Variants in TAFA2 observed in about 807,000 individuals in gnomAD.
The protein encoded by TAFA2 is chemokine-like protein TAFA-2.
Under a neutral mutation model 18.8 loss-of-function variants are expected in TAFA2, and 7 were observed. The observed-to-expected ratio is 0.37, with a 90% CI of 0.21 to 0.70. TAFA2 has a LOEUF of 0.70. Among genes scored for constraint, TAFA2 ranks in the 30% least tolerant of loss-of-function variants. The probability of loss-of-function intolerance (pLI) is 0.53; values close to 1 mark genes in which losing one functional copy is unlikely to be tolerated. For missense variants in TAFA2, 122 were observed against 158.1 expected (o/e 0.77, Z 1.23); for synonymous variants, 60 against 54.2 (o/e 1.11, Z -0.47).
chr12:61,904,463 C>A (rs999487411), intron 1 of TAFA2, among the ~76,000 whole-genome samples: 3 of 152,084 alleles, frequency 2.0e-5, no homozygotes, highest in African/African-American at 7.2e-5. Context: ...ATTCTTGGAG[C>A]AACCACTCTC....
At chr12:61,907,609 G>A (rs113145653) in intron 1 of TAFA2, among the ~76,000 whole-genome samples, 5 of 152,200 alleles carry the variant, frequency 3.3e-5, no homozygotes, top group East Asian at 3.9e-4. Context: ...ACCCTCACAC[G>A]GAGTGCCCAC....
chr12:61,977,542 T>G (rs1183146697), intron 1 of TAFA2, among the ~76,000 whole-genome samples: 1 of 152,084 alleles, frequency 6.6e-6, no homozygotes, highest in Non-Finnish European at 1.5e-5. Flanking sequence ...GAAAGCCCAT[T>G]TGACTGAAAC....
rs10706280 is a variant in TAFA2, at chr12:61,715,748, CAA to C, written c.385-5333_385-5332del. On this transcript the variant is annotated intron_variant, in intron 4 of 4. Coordinates refer to ENST00000416284, the MANE Select transcript of TAFA2 (RefSeq NM_178539.5). ...CATGGCAAGACCCCTCAAGACTCTA[CAA>C]AAAAAAAAAAAATTAAAAATTAGCC... is the stretch of plus-strand genomic sequence containing the variant. Among the ~76,000 whole-genome samples the C allele has an allele frequency of 1.8e-3, 251 of 139,618 alleles. 1 individual carries two copies. The highest frequency in any genetic ancestry group is 4.3e-3 in the African/African-American group (161 of 37,422). The allele number at this position is 139,618 out of a possible 152,430, so 91.6% of individuals were successfully genotyped here. A position where few individuals can be genotyped will look rare whatever the true frequency, so the allele number is the denominator to read the frequency against.
chr12:61,818,177 C>T (rs1257190142), intron 2 of TAFA2, among the ~76,000 whole-genome samples: 1 of 152,178 alleles, frequency 6.6e-6, no homozygotes, highest in Non-Finnish European at 1.5e-5. Flanking sequence ...CCTTACTCTT[C>T]ATTAAATCTT....
chr12:62,198,642 G>C (rs1468645676), intron 1 of TAFA2, among the ~76,000 whole-genome samples: 2 of 152,120 alleles, frequency 1.3e-5, no homozygotes, highest in Admixed American at 6.6e-5. Context: ...TCTAACTTAT[G>C]CAATAATGTG....
At chr12:61,744,367 A>G (rs529532761) in intron 4 of TAFA2, among the ~76,000 whole-genome samples, 4 of 152,174 alleles carry the variant, frequency 2.6e-5, no homozygotes, top group Non-Finnish European at 4.4e-5. Flanking sequence ...TTAAAAGCAC[A>G]CATATATCGC....
intron 1 of TAFA2, among the ~76,000 whole-genome samples, chr12:62,130,061 C>T (rs1057367134): frequency 3.9e-5 from 6 of 152,016 alleles, no homozygotes; most frequent in Non-Finnish European, 8.8e-5. Context: ...ATCCAAAGTA[C>T]TTGCTCTATT....
At chr12:61,995,758 T>C (rs1880164082) in intron 1 of TAFA2, among the ~76,000 whole-genome samples, 1 of 152,156 alleles carries the variant, frequency 6.6e-6, no homozygotes. Context: ...TTAGGGTAGA[T>C]GAGAGAAATG....
At chr12:62,043,045 C>A (rs555408633) in intron 1 of TAFA2, among the ~76,000 whole-genome samples, 2 of 152,148 alleles carry the variant, frequency 1.3e-5, no homozygotes, top group South Asian at 4.2e-4. Flanking sequence ...ACAAAAGTAA[C>A]ATTTATAAGT....
chr12:62,193,086 T>C, upstream of TAFA2, among the ~76,000 whole-genome samples: 1 of 152,222 alleles, frequency 6.6e-6, no homozygotes, highest in Admixed American at 6.5e-5. Flanking sequence ...CTTACATGTT[T>C]GGTCAAATTG....
intron 1 of TAFA2, among the ~76,000 whole-genome samples, chr12:61,960,097 A>G (rs1394761771): frequency 1.3e-5 from 2 of 152,028 alleles, no homozygotes; most frequent in Admixed American, 1.3e-4. Flanking sequence ...AGTTTGATTT[A>G]ATTTTTAAGA....
At chr12:61,751,924 A>T (rs1305428441) in intron 4 of TAFA2, among the ~76,000 whole-genome samples, 1 of 152,006 alleles carries the variant, frequency 6.6e-6, no homozygotes, top group Non-Finnish European at 1.5e-5. Flanking sequence ...TCAATGATCC[A>T]GAAAGTTAGA....
chr12:62,083,415 TA>T (rs2136823052), intron 1 of TAFA2, among the ~76,000 whole-genome samples: 1 of 152,178 alleles, frequency 6.6e-6, no homozygotes, highest in East Asian at 1.9e-4. Flanking sequence ...GGACACCCCC[TA>T]GCCAAAATTC....
intron 2 of TAFA2, among the ~76,000 whole-genome samples, chr12:61,782,713 T>C (rs1870557615): frequency 6.6e-6 from 1 of 151,700 alleles, no homozygotes; most frequent in Non-Finnish European, 1.5e-5. Flanking sequence ...CCCCAAAAAA[T>C]AAATTTGCAA....
chr12:62,197,205 T>G (rs748482492), upstream of TAFA2, among the ~76,000 whole-genome samples: 6 of 152,234 alleles, frequency 3.9e-5, no homozygotes, highest in Non-Finnish European at 8.8e-5. Context: ...TTGTCCTCCA[T>G]GAAACCGGTC....
At chr12:62,100,365 C>A (rs901061085) in intron 1 of TAFA2, among the ~76,000 whole-genome samples, 3 of 152,130 alleles carry the variant, frequency 2.0e-5, no homozygotes, top group African/African-American at 7.2e-5. Flanking sequence ...GTAACATTTA[C>A]ATCCCAAAGG....
intron 2 of TAFA2, among the ~76,000 whole-genome samples, chr12:61,800,465 TTAG>T (rs1235073561): frequency 6.6e-6 from 1 of 152,100 alleles, no homozygotes; most frequent in Non-Finnish European, 1.5e-5. Flanking sequence ...AACAATTGAA[TTAG>T]TGTTCAGGGC....
chr12:62,057,274 T>C (rs934230720), intron 1 of TAFA2, among the ~76,000 whole-genome samples: 4 of 152,208 alleles, frequency 2.6e-5, no homozygotes, highest in African/African-American at 7.2e-5. Flanking sequence ...ATTCACAGAA[T>C]GTTTCTGATC....
At chr12:62,169,813 T>TAC (rs1436364993) in intron 1 of TAFA2, among the ~76,000 whole-genome samples, 1 of 127,790 alleles carries the variant, frequency 7.8e-6, no homozygotes, top group East Asian at 2.3e-4. Context: ...ATCACGCCAC[T>TAC]ACACTCCAGA....
Sources: gnomAD v4.1 joint callset for allele counts (sites outside exome capture counted in the v4.1 genomes callset) on GRCh38, gnomAD v4.1.1 for gene constraint, MANE v1.5 for transcripts, NCBI Gene and HGNC (gene_info 2026-07-23, HGNC 2026-07-21) for gene names.